Variants in CERS4 observed in about 807,000 individuals in gnomAD.
CERS4 encodes ceramide synthase 4, also known as LAG1 homolog, ceramide synthase 4.
A neutral mutation model predicts 51.8 loss-of-function variants in CERS4; 65 were observed. The ratio of observed to expected loss-of-function variants is 1.26; its 90% CI spans 1.03 to 1.54. The LOEUF (loss-of-function observed/expected upper bound fraction) is 1.54. CERS4 is among the 40% of genes most tolerant of loss of function. CERS4 has a pLI of 0.00. For synonymous variants in CERS4, 228 were observed against 208.4 expected (o/e 1.09, Z -0.81); for missense variants, 563 against 500.4 (o/e 1.13, Z -1.19).
intron 10 of CERS4, among the ~76,000 whole-genome samples, chr19:8,259,482 G>A (rs1969565482): frequency 2.0e-5 from 3 of 152,094 alleles, no homozygotes; most frequent in Admixed American, 1.3e-4. Context: ...TGGGAGCCAT[G>A]GAGGTTATAA....
intron 2 of CERS4, among the ~76,000 whole-genome samples, chr19:8,245,599 G>A (rs1463502893): frequency 6.6e-6 from 1 of 151,620 alleles, no homozygotes; most frequent in African/African-American, 2.4e-5. Flanking sequence ...GAGTGCAGTG[G>A]CACAATCTTG....
rs559915205 is a variant in CERS4 at position 8,251,398 on chromosome 19, C to T, written c.173+149C>T. On this transcript the variant is annotated intron_variant, in intron 3 of 11. Transcript: ENST00000251363. ...TCCCTGGCTCCAGCCTGCCCCCAGC[C>T]GCCACCACCCACACTTCTGGCCTCT... 397 of 1,353,362 alleles carry T rather than the reference C, an allele frequency of 2.9e-4. 11 individuals carry two copies. The highest frequency in any genetic ancestry group is 1.1e-3 in the Middle Eastern group (4 of 3,690). The allele number at this position is 1,353,362 out of a possible 1,614,324, so 83.8% of individuals were successfully genotyped here.
chr19:8,240,895 C>T (rs1025709126), intron 2 of CERS4, among the ~76,000 whole-genome samples: 2 of 152,068 alleles, frequency 1.3e-5, no homozygotes, highest in African/African-American at 4.8e-5. Flanking sequence ...TCTCTTTCCC[C>T]CAATCTGGGG....
At chr19:8,253,035 C>T (rs1312930314) in intron 3 of CERS4, among the ~76,000 whole-genome samples, 1 of 152,216 alleles carries the variant, frequency 6.6e-6, no homozygotes, top group African/African-American at 2.4e-5. Flanking sequence ...AGATAATAAG[C>T]GCTCATTCTC....
chr19:8,254,979 G>GAGT (rs1165811676), intron 4 of CERS4, among the ~76,000 whole-genome samples: 2 of 152,146 alleles, frequency 1.3e-5, no homozygotes, highest in African/African-American at 4.8e-5. Flanking sequence ...AGGAGAGTGA[G>GAGT]AGTAGTTGCT....
chr19:8,221,259 G>A (rs1283977359), intron 2 of CERS4, among the ~76,000 whole-genome samples: 1 of 151,832 alleles, frequency 6.6e-6, no homozygotes, highest in Non-Finnish European at 1.5e-5. Flanking sequence ...GTGAGCCACT[G>A]TACCTGGTTC....
chr19:8,222,427 C>A (rs944605968), intron 2 of CERS4, among the ~76,000 whole-genome samples: 3 of 151,900 alleles, frequency 2.0e-5, no homozygotes, highest in African/African-American at 7.3e-5. Context: ...GATCCTCTTG[C>A]TTCAGCCTCC....
At chr19:8,260,720 T>G (rs1222640417) in intron 10 of CERS4, among the ~76,000 whole-genome samples, 22 of 149,984 alleles carry the variant, frequency 1.5e-4, no homozygotes, top group African/African-American at 4.9e-4. Flanking sequence ...GAGGCTGAGG[T>G]GAACAGATCA....
intron 10 of CERS4, chr19:8,261,329 A>G (rs967931651): frequency 3.7e-5 from 9 of 240,502 alleles, no homozygotes; most frequent in East Asian, 9.9e-5. Context: ...CCCCTCCCCT[A>G]TGAGGTGAGT....
intron 2 of CERS4, among the ~76,000 whole-genome samples, chr19:8,233,888 C>CA (rs1248722133): frequency 6.6e-6 from 1 of 152,034 alleles, no homozygotes; most frequent in African/African-American, 2.4e-5. Context: ...GGCATGGTGG[C>CA]ACACGCCTGT....
At chr19:8,248,275 T>G (rs1218087171) in intron 2 of CERS4, among the ~76,000 whole-genome samples, 1 of 152,170 alleles carries the variant, frequency 6.6e-6, no homozygotes, top group Non-Finnish European at 1.5e-5. Flanking sequence ...ACCTGACATG[T>G]ACAAGTCAAT....
At chr19:8,211,926 C>G (rs1434767347) in intron 2 of CERS4, among the ~76,000 whole-genome samples, 3 of 149,534 alleles carry the variant, frequency 2.0e-5, no homozygotes, top group Non-Finnish European at 3.0e-5. Context: ...CAGAGTCATG[C>G]CTGGGGTCAG....
At chr19:8,228,084 T>C (rs941653724) in intron 2 of CERS4, among the ~76,000 whole-genome samples, 10 of 151,964 alleles carry the variant, frequency 6.6e-5, no homozygotes, top group African/African-American at 2.4e-4. Flanking sequence ...ATGGTCTCGA[T>C]CTCTTGACCT....
At chr19:8,221,364 A>G (rs1443100373) in intron 2 of CERS4, among the ~76,000 whole-genome samples, 1 of 152,106 alleles carries the variant, frequency 6.6e-6, no homozygotes, top group East Asian at 1.9e-4. Flanking sequence ...CCTTGCCAAC[A>G]TCGGGAACTG....
In CERS4 at chr19:8,210,402, G is replaced by A. The variant is rs1467226414; in HGVS notation, c.-158-304G>A. Among the ~76,000 whole-genome samples the A allele has an allele frequency of 6.6e-6, 1 of 152,126 alleles. No individual in the cohort carries two copies. Among genetic ancestry groups the A allele is most frequent in the African/African-American group, 2.4e-5 (1 of 41,418 alleles). The stretch of plus-strand genomic sequence containing the variant: ...GGGGGACCGATGTTTCTCCTGGGTA[G>A]TTAGGAGTATATAGAAGAGGCTTTC... On this transcript the variant is annotated intron_variant, in intron 1 of 11. Coordinates refer to ENST00000251363, the MANE Select transcript of CERS4 (RefSeq NM_024552.3). The surrounding 1 kb of genome is among the most constrained non-coding windows in gnomAD (Gnocchi z 4.2).
chr19:8,261,545 G>A (rs569506788), intron 10 of CERS4, 143 bp from the exon 11 acceptor site: 12 of 915,994 alleles, frequency 1.3e-5, no homozygotes, highest in Admixed American at 1.3e-4. Flanking sequence ...CAGCTCAAGA[G>A]TGTTAGGTAT....
At chr19:8,239,965 A>G (rs1968455073) in intron 2 of CERS4, among the ~76,000 whole-genome samples, 2 of 152,222 alleles carry the variant, frequency 1.3e-5, no homozygotes, top group African/African-American at 2.4e-5. Context: ...AGACACCCCA[A>G]TGAAACAGAT....
chr19:8,254,565 C>A lies in CERS4; in HGVS notation c.240C>A (p.Pro80=), dbSNP rs770320699. 3 of 1,613,304 alleles carry A rather than the reference C, an allele frequency of 1.9e-6. No individual in the cohort carries two copies. The highest frequency in any genetic ancestry group is 2.5e-6 in the Non-Finnish European group (3 of 1,179,832). Residue 80 remains proline, a synonymous_variant, in exon 4 of 12, where the codon CCC becomes CCA. Transcript: ENST00000251363. ...VRDQTRRQVK[P]NATLEKHFLT... ...ATCAGACCAGGAGGCAAGTGAAGCC[C>A]AACGCCACGCTGGAGAAACACTTCC... is the stretch of plus-strand genomic sequence containing the variant.
At chr19:8,209,824 G>C (rs2145143289) in intron 1 of CERS4, 1 of 152,390 alleles carries the variant, frequency 6.6e-6, no homozygotes, top group Non-Finnish European at 1.5e-5. Context: ...TTTCCCCGAC[G>C]TGCCAGGGCT....
Sources: gnomAD v4.1 joint callset for allele counts (sites outside exome capture counted in the v4.1 genomes callset) on GRCh38, gnomAD v4.1.1 for gene constraint, Gnocchi (gnomAD v3.1) non-coding constraint, MANE v1.5 for transcripts, NCBI Gene and HGNC (gene_info 2026-07-23, HGNC 2026-07-21) for gene names.